The following ADGRL1 variants were observed in gnomAD, a reference collection of about 807,000 sequenced individuals.
The protein encoded by ADGRL1 is CIRL-1.
A neutral mutation model predicts 148.9 loss-of-function variants in ADGRL1; 31 were observed. The observed-to-expected ratio is 0.21, with a 90% CI of 0.16 to 0.28. ADGRL1 has a LOEUF of 0.28. Ranked by LOEUF, ADGRL1 falls within the 10% of genes least tolerant of loss-of-function variation. The probability of loss-of-function intolerance (pLI) is 1.00; values close to 1 mark genes in which losing one functional copy is unlikely to be tolerated. For missense variants in ADGRL1, 1,521 were observed against 2,058.8 expected, an observed-to-expected ratio of 0.74 and a Z score of 5.05; for synonymous variants, 937 against 900.3, an observed-to-expected ratio of 1.04 and a Z score of -0.73.
At chr19:14,185,951 C>T (rs1417845827) in intron 1 of ADGRL1, among the ~76,000 whole-genome samples, 1 of 152,266 alleles carries the variant, frequency 6.6e-6, no homozygotes, top group Non-Finnish European at 1.5e-5. Flanking sequence ...CTGGCTCCTT[C>T]AGGCCTCTGC....
At chr19:14,176,093 T>TGTAGTCCCAG (rs1219632521) in intron 3 of ADGRL1, among the ~76,000 whole-genome samples, 1 of 151,902 alleles carries the variant, frequency 6.6e-6, no homozygotes, top group Non-Finnish European at 1.5e-5. Context: ...GGCTTACACC[T>TGTAGTCCCAG]GTAGTCCCAG....
In ADGRL1 at chr19:14,156,639, G is replaced by A. The variant is rs553131884; in HGVS notation, c.3033+19C>T. 4 of 1,606,078 alleles carry A rather than the reference G, an allele frequency of 2.5e-6. No homozygotes were observed. Among genetic ancestry groups the A allele is most frequent in the African/African-American group, 1.3e-5 (1 of 74,718 alleles). On this transcript the variant is annotated intron_variant, in intron 16 of 22. Transcript: ENST00000361434. The stretch of plus-strand genomic sequence containing the variant: ...GATGAAGGAAGATGTGGTGCTAGGG[G>A]TGTCACCTCCCAACTCACCACGATA...
At chr19:14,164,436 G>A (rs1016103627) in intron 4 of ADGRL1, among the ~76,000 whole-genome samples, 4 of 152,132 alleles carry the variant, frequency 2.6e-5, no homozygotes, top group Non-Finnish European at 5.9e-5. Flanking sequence ...AAGGGTTAGT[G>A]CTGGCGGAGG....
At chr19:14,158,974 G>T in intron 11 of ADGRL1, 116 bp downstream of exon 11, 3 of 1,294,178 alleles carry the variant, frequency 2.3e-6, no homozygotes, top group Non-Finnish European at 3.2e-6. Flanking sequence ...TTTTACACTA[G>T]CATGAGAAAA....
chr19:14,205,064 G>A (rs375054897), intron 1 of ADGRL1, among the ~76,000 whole-genome samples: 1 of 151,986 alleles, frequency 6.6e-6, no homozygotes. Context: ...TGTGTAGCCA[G>A]CGGCTGTCTT....
intron 1 of ADGRL1, among the ~76,000 whole-genome samples, chr19:14,190,340 C>T (rs1172314917): frequency 6.6e-6 from 1 of 152,218 alleles, no homozygotes; most frequent in African/African-American, 2.4e-5. Flanking sequence ...CATCAAAGCT[C>T]ACTGTAGCCT....
Position 14,155,799 on chromosome 19 carries a change from G to A in ADGRL1, c.3126-272C>T, listed in dbSNP as rs1054360093. The A allele has an allele frequency of 1.7e-6, 1 of 576,796 alleles. No homozygotes were observed. Among genetic ancestry groups the A allele is most frequent in the Non-Finnish European group, 3.1e-6 (1 of 323,850 alleles). 35.7% of individuals were successfully genotyped at this position (576,796 alleles called of 1,614,324 possible). A position where few individuals can be genotyped will look rare whatever the true frequency, so the allele number is the denominator to read the frequency against. ...CTTCATTGTTTCTGCTAAATTTCCAGACCACTTAGGCTATATTTGCTGCCT... is the reference window on the plus strand; with the variant it reads ...CTTCATTGTTTCTGCTAAATTTCCAAACCACTTAGGCTATATTTGCTGCCT... On this transcript the variant is annotated intron_variant, in intron 17 of 22. Coordinates refer to ENST00000361434, the MANE Select transcript of ADGRL1 (RefSeq NM_014921.5). This position sits in a 1 kb window ranked among gnomAD's most constrained non-coding sequence, Gnocchi z 5.0.
In ADGRL1 at chr19:14,160,788, G is replaced by C. The variant is rs945888227; in HGVS notation, c.1511-92C>G. On this transcript the variant is annotated intron_variant, in intron 6 of 22. Transcript: ENST00000361434. The surrounding 1 kb of genome is among the most constrained non-coding windows in gnomAD (Gnocchi z 5.9). The stretch of plus-strand genomic sequence containing the variant: ...AGGGGGAAAGGAGATGACAGAGAGT[G>C]GGGGACGAGCGGGCGAAGAGGGAGG... The C allele has an allele frequency of 6.5e-6, 5 of 768,106 alleles. No individual in the cohort carries two copies. Among genetic ancestry groups the C allele is most frequent in the East Asian group, 5.1e-5 (2 of 39,308 alleles). The allele number at this position is 768,106 out of a possible 1,614,324, so 47.6% of individuals were successfully genotyped here.
Position 14,170,796 on chromosome 19 carries a change from A to G in ADGRL1, c.285-5T>C. ...CACTGGGTGCGGTTGTTACACCTTC[A>G]GAGGAGAAACAGGGCATTGGGAAAG... On this transcript the variant is annotated splice_polypyrimidine_tract_variant and splice_region_variant and intron_variant, in intron 3 of 22. Transcript: ENST00000361434. 1 of 1,452,458 alleles carries G rather than the reference A, an allele frequency of 6.9e-7. No individual in the cohort carries two copies. Among genetic ancestry groups the G allele is most frequent in the Non-Finnish European group, 9.6e-7 (1 of 1,038,190 alleles). 90.0% of individuals were successfully genotyped at this position (1,452,458 alleles called of 1,614,324 possible).
chr19:14,202,659 T>G (rs1972691869), intron 1 of ADGRL1, among the ~76,000 whole-genome samples: 1 of 151,980 alleles, frequency 6.6e-6, no homozygotes, highest in African/African-American at 2.4e-5. Context: ...TGGTGCTGGG[T>G]GGGGAGGCAA....
chr19:14,177,056 T>C (rs904916579), intron 3 of ADGRL1, among the ~76,000 whole-genome samples: 7 of 152,106 alleles, frequency 4.6e-5, no homozygotes, highest in Admixed American at 4.6e-4. Context: ...TACAAAACCC[T>C]GTCTCTACTA....
rs1159231294 is a variant in ADGRL1 at position 14,156,637 on chromosome 19, GGGTGT to G, written c.3033+16_3033+20del. The G allele has an allele frequency of 6.2e-7, 1 of 1,604,704 alleles. No individual in the cohort carries two copies. The highest frequency in any genetic ancestry group is 8.5e-7 in the Non-Finnish European group (1 of 1,175,754). On this transcript the variant is annotated intron_variant, in intron 16 of 22. Coordinates refer to ENST00000361434, the MANE Select transcript of ADGRL1 (RefSeq NM_014921.5). Reference sequence around the variant, plus strand: ...TGGATGAAGGAAGATGTGGTGCTAGGGGTGTCACCTCCCAACTCACCACGATAACG... The same window carrying G: ...TGGATGAAGGAAGATGTGGTGCTAGGCACCTCCCAACTCACCACGATAACG...
chr19:14,159,728 G>A lies in ADGRL1; in HGVS notation c.1839+7C>T. On this transcript the variant is annotated splice_region_variant and intron_variant, in intron 9 of 22. Coordinates refer to ENST00000361434, the MANE Select transcript of ADGRL1 (RefSeq NM_014921.5). This position sits in a 1 kb window ranked among gnomAD's most constrained non-coding sequence, Gnocchi z 6.0. The stretch of plus-strand genomic sequence containing the variant: ...CGGTCCTTACACTGGGACCCCCTGG[G>A]TCTCACCTTGATATAATCCTTACAA... 1 of 1,613,620 alleles carries A rather than the reference G, an allele frequency of 6.2e-7. No homozygotes were observed. The highest frequency in any genetic ancestry group is 8.5e-7 in the Non-Finnish European group (1 of 1,179,654).
At chr19:14,201,461 G>C (rs997348820) in intron 1 of ADGRL1, among the ~76,000 whole-genome samples, 3 of 151,214 alleles carry the variant, frequency 2.0e-5, no homozygotes, top group Admixed American at 6.6e-5. Flanking sequence ...TCGTCGCCCA[G>C]GCTGGAGTGC....
chr19:14,166,996 A>G, intron 4 of ADGRL1: 1 of 1,612,588 alleles, frequency 6.2e-7, no homozygotes, highest in Non-Finnish European at 8.5e-7. Context: ...AGGGGTTAGC[A>G]TTGGTAACAG....
At chr19:14,163,916 C>T (rs1969693361) in intron 4 of ADGRL1, among the ~76,000 whole-genome samples, 1 of 151,994 alleles carries the variant, frequency 6.6e-6, no homozygotes, top group African/African-American at 2.4e-5. Flanking sequence ...GGTCCAGGAT[C>T]CCATCCTTCA....
intron 1 of ADGRL1, among the ~76,000 whole-genome samples, chr19:14,200,524 C>T (rs1972531140): frequency 6.6e-6 from 1 of 152,222 alleles, no homozygotes; most frequent in Non-Finnish European, 1.5e-5. Context: ...AGAGAACAGG[C>T]CACAGAACCC....
Position 14,156,158 on chromosome 19 carries a change from C to G in ADGRL1, c.3077G>C (p.Arg1026Pro). The change falls in exon 17 of 23, where the codon CGA (arginine) becomes CCA (proline). Residue 1026 changes from arginine (R) to proline (P), a missense_variant. Arg to Pro is a moderately radical substitution (Grantham distance 103). Transcript: ENST00000361434. ...GTCGGGCTTGAGCACAGATGAGCTTCGGATCATCTTGTGCAGGGTCACCAT... is the reference window on the plus strand; with the variant it reads ...GTCGGGCTTGAGCACAGATGAGCTTGGGATCATCTTGTGCAGGGTCACCAT... ...FLMVTLHKMI[R>P]SSSVLKPDSS... The G allele has an allele frequency of 6.2e-7, 1 of 1,612,638 alleles. No individual in the cohort carries two copies. Among genetic ancestry groups the G allele is most frequent in the Non-Finnish European group, 8.5e-7 (1 of 1,179,692 alleles).
Position 14,176,837 on chromosome 19 carries a change from CAA to C in ADGRL1, c.284+692_284+693del, listed in dbSNP as rs34113726. Among the ~76,000 whole-genome samples the C allele has an allele frequency of 1.6e-3, 220 of 136,242 alleles. 1 individual carries two copies. Among genetic ancestry groups the C allele is most frequent in the Non-Finnish European group, 2.2e-3 (137 of 62,554 alleles). 89.4% of individuals were successfully genotyped at this position (136,242 alleles called of 152,430 possible). On this transcript the variant is annotated intron_variant, in intron 3 of 22. Transcript: ENST00000361434. ...CTAGGCAACAGTGAGACCCTATCTT[CAA>C]AAAAAAAAAAAGAGTCTGGGATGAA...
Sources: allele counts gnomAD v4.1 joint callset (sites outside exome capture counted in the v4.1 genomes callset), GRCh38; gene constraint gnomAD v4.1.1; non-coding constraint Gnocchi (gnomAD v3.1); transcripts MANE v1.5; gene names NCBI Gene and HGNC (gene_info 2026-07-23, HGNC 2026-07-21).